The following FAM135B variants were observed in gnomAD, a reference collection of about 807,000 sequenced individuals.
FAM135B encodes the protein family with sequence similarity 135 member B, also known as protein FAM135B.
Under a neutral mutation model 127.7 loss-of-function variants are expected in FAM135B, and 43 were observed. The observed-to-expected ratio is 0.34, with a 90% CI of 0.26 to 0.43. The LOEUF (loss-of-function observed/expected upper bound fraction) is 0.43. Ranked by LOEUF, FAM135B falls within the 20% of genes least tolerant of loss-of-function variation. The pLI, the probability that FAM135B is intolerant of heterozygous loss-of-function variation, is 1.00. For missense variants in FAM135B, 1,558 were observed against 1,725.6 expected, an observed-to-expected ratio of 0.90 and a Z score of 1.72; for synonymous variants, 670 against 665.1, an observed-to-expected ratio of 1.01 and a Z score of -0.11.
intron 7 of FAM135B, among the ~76,000 whole-genome samples, chr8:138,202,125 C>CAAAA (rs60386806): frequency 1.2e-5 from 1 of 84,148 alleles, no homozygotes; most frequent in Non-Finnish European, 2.2e-5. Context: ...AACTCTGTCT[C>CAAAA]AAAAAAAAAA....
At chr8:138,353,907 T>C (rs1181857697) in intron 2 of FAM135B, among the ~76,000 whole-genome samples, 1 of 152,122 alleles carries the variant, frequency 6.6e-6, no homozygotes, top group Non-Finnish European at 1.5e-5. Context: ...CCTTTAGACC[T>C]ATAAACTCAC....
chr8:138,241,701 G>A lies in FAM135B; in HGVS notation c.669+1241C>T, dbSNP rs1335688668. Among the ~76,000 whole-genome samples the A allele has an allele frequency of 6.6e-6, 1 of 152,190 alleles. No individual in the cohort carries two copies. The highest frequency in any genetic ancestry group is 1.5e-5 in the Non-Finnish European group (1 of 68,036). ...ACAGTTTATCACACTTATAATGTGGGCTACTCAGAAATTAGTAGTGATAGT... is the reference window on the plus strand; with the variant it reads ...ACAGTTTATCACACTTATAATGTGGACTACTCAGAAATTAGTAGTGATAGT... On this transcript the variant is annotated intron_variant, in intron 7 of 19. Transcript: ENST00000395297. This position sits in a 1 kb window ranked among gnomAD's most constrained non-coding sequence, Gnocchi z 4.8.
intron 3 of FAM135B, among the ~76,000 whole-genome samples, chr8:138,291,402 CA>C (rs1222508842): frequency 6.6e-6 from 1 of 151,858 alleles, no homozygotes; most frequent in Admixed American, 6.6e-5. Context: ...CAAACTCTTC[CA>C]AAAAAATAGG....
At chr8:138,426,375 G>A (rs1834890507) in intron 1 of FAM135B, among the ~76,000 whole-genome samples, 1 of 151,596 alleles carries the variant, frequency 6.6e-6, no homozygotes. Flanking sequence ...TATTGCTGGA[G>A]AAGTGTAAAT....
chr8:138,445,437 T>A (rs1331695729), intron 1 of FAM135B, among the ~76,000 whole-genome samples: 1 of 152,044 alleles, frequency 6.6e-6, no homozygotes, highest in African/African-American at 2.4e-5. Context: ...CAGCAGCACA[T>A]CAAAAAGCTT....
At chr8:138,140,016 G>A (rs1332602873) in intron 17 of FAM135B, among the ~76,000 whole-genome samples, 1 of 152,200 alleles carries the variant, frequency 6.6e-6, no homozygotes, top group Non-Finnish European at 1.5e-5. Context: ...TATTGGTAAA[G>A]TCTGTCTTTT....
intron 1 of FAM135B, among the ~76,000 whole-genome samples, chr8:138,414,424 C>T (rs1834030356): frequency 6.6e-6 from 1 of 152,074 alleles, no homozygotes; most frequent in Non-Finnish European, 1.5e-5. Context: ...TCCTGTTCTA[C>T]CTATAATCTA....
chr8:138,253,643 G>T (rs1821868367), intron 5 of FAM135B, among the ~76,000 whole-genome samples: 1 of 152,180 alleles, frequency 6.6e-6, no homozygotes, highest in African/African-American at 2.4e-5. Context: ...CTCCCGAGCT[G>T]TGACAACCAA....
chr8:138,168,139 G>A lies in FAM135B; in HGVS notation c.1104-90C>T, dbSNP rs1820115437. ...TCTTCCTAATCCCGGGAAAATACTC[G>A]GTTCTCAGCTGACTCTGGCAATTGT... is the stretch of plus-strand genomic sequence containing the variant. On this transcript the variant is annotated intron_variant, in intron 11 of 19. Transcript: ENST00000395297. 8 of 1,393,814 alleles carry A rather than the reference G, an allele frequency of 5.7e-6. No individual in the cohort carries two copies. The South Asian group carries it at 5.8e-5, about 10-fold the overall frequency. 86.3% of individuals were successfully genotyped at this position (1,393,814 alleles called of 1,614,324 possible). A position where few individuals can be genotyped will look rare whatever the true frequency, so the allele number is the denominator to read the frequency against.
chr8:138,273,259 G>A (rs537130313), intron 3 of FAM135B, among the ~76,000 whole-genome samples: 3 of 152,320 alleles, frequency 2.0e-5, no homozygotes, highest in South Asian at 2.1e-4. Context: ...AGGCTGGAGT[G>A]CAGTGGCGTG....
chr8:138,263,992 A>G (rs1467400148), intron 4 of FAM135B, among the ~76,000 whole-genome samples: 1 of 152,220 alleles, frequency 6.6e-6, no homozygotes, highest in East Asian at 1.9e-4. Flanking sequence ...TTGCCCAAGA[A>G]TAAGCCCTAA....
At chr8:138,217,037 C>G (rs899536203) in intron 7 of FAM135B, among the ~76,000 whole-genome samples, 1 of 152,094 alleles carries the variant, frequency 6.6e-6, no homozygotes, top group Non-Finnish European at 1.5e-5. Flanking sequence ...TAATAGTCAC[C>G]TCGAAGCTGC....
intron 1 of FAM135B, among the ~76,000 whole-genome samples, chr8:138,444,783 G>T (rs1476543268): frequency 1.3e-5 from 2 of 151,968 alleles, no homozygotes; most frequent in Non-Finnish European, 2.9e-5. Context: ...CTAGCAGAAG[G>T]CAAGAAATAA....
At chr8:138,388,824 G>A (rs1832372045) in intron 1 of FAM135B, among the ~76,000 whole-genome samples, 1 of 152,120 alleles carries the variant, frequency 6.6e-6, no homozygotes, top group Non-Finnish European at 1.5e-5. Flanking sequence ...GTTAATATAT[G>A]TCAACACTTC....
intron 2 of FAM135B, among the ~76,000 whole-genome samples, chr8:138,337,538 A>G (rs1324640127): frequency 1.3e-5 from 2 of 151,978 alleles, no homozygotes; most frequent in East Asian, 1.9e-4. Flanking sequence ...ATACCCAGGA[A>G]TCCAACTTAC....
In FAM135B at chr8:138,165,530, A is replaced by C. The variant is rs530618218; in HGVS notation, c.1258+2365T>G. 6.4e-4 allele frequency among the ~76,000 whole-genome samples: 97 copies of C among 152,336 alleles called. No individual in the cohort carries two copies. In the Middle Eastern group the frequency reaches 0.017, roughly 27 times the overall value. ...TGTATGTTAATATGTGCAGAAAAAA[A>C]GACTGGAAGACAATCTGCAACAAAA... On this transcript the variant is annotated intron_variant, in intron 12 of 19. Coordinates refer to ENST00000395297, the MANE Select transcript of FAM135B (RefSeq NM_015912.4).
intron 3 of FAM135B, among the ~76,000 whole-genome samples, chr8:138,309,679 G>A (rs1056554884): frequency 2.0e-5 from 3 of 152,154 alleles, no homozygotes; most frequent in African/African-American, 7.2e-5. Context: ...ACCATAACAC[G>A]TTGCAAATTC....
rs151269330 is a variant in FAM135B, at chr8:138,138,870, C to T, written c.3901+116G>A. On this transcript the variant is annotated intron_variant, in intron 18 of 19. Transcript: ENST00000395297. Reference sequence around the variant, plus strand: ...AGCCAAAGAGGCTTTGAGTGCTGGGCCTCCTGACTAGGCCCTTCTGTGAGT... The same window carrying T: ...AGCCAAAGAGGCTTTGAGTGCTGGGTCTCCTGACTAGGCCCTTCTGTGAGT... The T allele has an allele frequency of 1.5e-4, 106 of 684,008 alleles. No homozygotes were observed. The African/African-American group carries it at 1.8e-3, about 11-fold the overall frequency. 42.4% of individuals were successfully genotyped at this position (684,008 alleles called of 1,614,324 possible).
intron 7 of FAM135B, among the ~76,000 whole-genome samples, chr8:138,226,184 T>TGTGTGTGTGTGCGCGCGCGCGCGCGC: frequency 2.9e-5 from 4 of 139,202 alleles, no homozygotes; most frequent in Non-Finnish European, 6.2e-5. Context: ...TGTGTGTGTG[T>TGTGTGTGTGTGCGCGCGCGCGCGCGC]GCGCGCATGT....
Sources: gnomAD v4.1 joint callset for allele counts (sites outside exome capture counted in the v4.1 genomes callset) on GRCh38, gnomAD v4.1.1 for gene constraint, Gnocchi (gnomAD v3.1) non-coding constraint, MANE v1.5 for transcripts, NCBI Gene and HGNC (gene_info 2026-07-23, HGNC 2026-07-21) for gene names.